XRN1: variants seen among roughly 807,000 people sequenced by gnomAD.
The protein encoded by XRN1 is 5'-3' exoribonuclease 1.
In XRN1, 67 loss-of-function variants were observed where a neutral mutation model predicts 222.3. The ratio of observed to expected loss-of-function variants is 0.30; its 90% CI spans 0.25 to 0.37. XRN1 has a LOEUF of 0.37. XRN1 is among the 10% of genes least tolerant of loss of function. XRN1 has a pLI of 1.00. For synonymous variants in XRN1, 643 were observed against 652.4 expected (o/e 0.99, Z 0.22); for missense variants, 1,707 against 2,000.2 (o/e 0.85, Z 2.80).
intron 20 of XRN1, among the ~76,000 whole-genome samples, chr3:142,394,671 A>G (rs2067863268): frequency 6.6e-6 from 1 of 152,222 alleles, no homozygotes; most frequent in South Asian, 2.1e-4. Flanking sequence ...CTCATATCCT[A>G]TTTAAGAATC....
At chr3:142,362,824 G>A (rs966016719) in intron 29 of XRN1, among the ~76,000 whole-genome samples, 1 of 145,712 alleles carries the variant, frequency 6.9e-6, no homozygotes, top group African/African-American at 2.5e-5. Flanking sequence ...AGGCAGGAGT[G>A]CAGTGGTGCA....
In XRN1 at chr3:142,318,741, T is replaced by C. The variant is rs749019357; in HGVS notation, c.4519-47A>G. ...ACAAGACAATGCAATACAAGCTTTC[T>C]ATAGGGACTAATAAAAATTTTAATA... On this transcript the variant is annotated intron_variant, in intron 38 of 40. Transcript: ENST00000392981. The C allele has an allele frequency of 9.3e-6, 15 of 1,610,456 alleles. No homozygotes were observed. In the Admixed American group the frequency reaches 2.3e-4, roughly 25 times the overall value.
intron 10 of XRN1, among the ~76,000 whole-genome samples, chr3:142,420,736 T>G (rs959909402): frequency 5.3e-5 from 8 of 152,112 alleles, no homozygotes; most frequent in Non-Finnish European, 7.4e-5. Context: ...AATAATTCAT[T>G]TTCTGGGCTT....
At chr3:142,402,382 C>T (rs2068176263) in intron 18 of XRN1, among the ~76,000 whole-genome samples, 1 of 151,996 alleles carries the variant, frequency 6.6e-6, no homozygotes, top group African/African-American at 2.4e-5. Context: ...GGGGTTTCAC[C>T]ATGTTGGCCA....
intron 29 of XRN1, among the ~76,000 whole-genome samples, chr3:142,364,615 C>T (rs1000380340): frequency 2.0e-5 from 3 of 151,918 alleles, no homozygotes; most frequent in Non-Finnish European, 4.4e-5. Context: ...CTGTAACTAA[C>T]GTAATATATA....
At chr3:142,353,022 C>T (rs1267894002) in intron 32 of XRN1, among the ~76,000 whole-genome samples, 2 of 152,174 alleles carry the variant, frequency 1.3e-5, no homozygotes, top group African/African-American at 2.4e-5. Context: ...TTTCCTCTTC[C>T]TTTCTTTGTC....
chr3:142,369,654 TAAA>T (rs761560470), intron 27 of XRN1, among the ~76,000 whole-genome samples: 1 of 120,386 alleles, frequency 8.3e-6, no homozygotes, highest in Admixed American at 8.4e-5. Context: ...TCTCCAAAAT[TAAA>T]AAAAAAAAAA....
At chr3:142,442,294 G>A (rs553784969) in intron 1 of XRN1, among the ~76,000 whole-genome samples, 15 of 152,244 alleles carry the variant, frequency 9.9e-5, no homozygotes, top group African/African-American at 3.6e-4. Flanking sequence ...TACACTGCCG[G>A]GGTCATCAGA....
chr3:142,313,050 A>T (rs1250281508), intron 39 of XRN1: 1 of 1,444,462 alleles, frequency 6.9e-7, no homozygotes, highest in Non-Finnish European at 9.4e-7. Context: ...TTGCAATTAT[A>T]TTTATAAAAA....
intron 37 of XRN1, among the ~76,000 whole-genome samples, chr3:142,325,146 T>C (rs1577221794): frequency 6.6e-6 from 1 of 152,342 alleles, no homozygotes; most frequent in East Asian, 1.9e-4. Context: ...CCATGCTGTA[T>C]GTCCTTCATA....
intron 37 of XRN1, among the ~76,000 whole-genome samples, chr3:142,322,479 G>A (rs1408216146): frequency 1.3e-5 from 2 of 152,252 alleles, no homozygotes; most frequent in South Asian, 2.1e-4. Flanking sequence ...CTGAGGTCAG[G>A]AGCGTGAGAC....
rs2068875011 is a variant in XRN1, at chr3:142,418,522, C to T, written c.1328G>A (p.Gly443Glu). Reference sequence around the variant, plus strand: ...AACGTACTCAGATACTACGTCAACCCCCATCTTCGTCATGTAATATGTTCT... The same window carrying T: ...AACGTACTCAGATACTACGTCAACCTCCATCTTCGTCATGTAATATGTTCT... Reference protein sequence around the residue: ...YKRTYYMTKMGVDVVSDDFLA... With the variant: ...YKRTYYMTKMEVDVVSDDFLA... Residue 443 changes from glycine (G) to glutamate (E), a missense_variant, in exon 12 of 41, where the codon GGG (glycine) becomes GAG (glutamate). Physicochemically the swap from Gly to Glu is moderately conservative, Grantham distance 98. Around this residue, in one of 2 missense-constraint regions of XRN1, gnomAD observed 1,234 missense variants for 1,518.2 expected, o/e 0.81. Transcript: ENST00000392981. 6.2e-7 allele frequency: 1 copy of T among 1,610,592 alleles called. No individual in the cohort carries two copies. The highest frequency in any genetic ancestry group is 8.5e-7 in the Non-Finnish European group (1 of 1,178,662).
chr3:142,363,453 A>C (rs2066715238), intron 29 of XRN1, among the ~76,000 whole-genome samples: 1 of 152,124 alleles, frequency 6.6e-6, no homozygotes, highest in Admixed American at 6.5e-5. Context: ...AAATCAATTG[A>C]CCATACAGGT....
chr3:142,353,416 T>C (rs1409573759), intron 32 of XRN1, among the ~76,000 whole-genome samples: 1 of 152,198 alleles, frequency 6.6e-6, no homozygotes, highest in African/African-American at 2.4e-5. Context: ...CTTCACGTTA[T>C]ACTGTAAGTT....
At chr3:142,359,445 T>C (rs2066557518) in intron 30 of XRN1, among the ~76,000 whole-genome samples, 1 of 152,188 alleles carries the variant, frequency 6.6e-6, no homozygotes. Context: ...CCTAATAGCA[T>C]TGTTTACATA....
intron 32 of XRN1, 122 bp from the exon 33 acceptor site, chr3:142,347,464 C>T: frequency 3.2e-6 from 2 of 622,928 alleles, no homozygotes; most frequent in Non-Finnish European, 5.0e-6. Flanking sequence ...AAACTTAATA[C>T]AGAAAAGTAT....
In XRN1 at chr3:142,432,251, T is replaced by TTATA. The variant is rs60775404; in HGVS notation, c.308+406_308+409dup. ...TAATTATATATATATAAAATTTATT[T>TTATA]TATATATATATATAAAAAATTAGCT... On this transcript the variant is annotated intron_variant, in intron 2 of 40. Coordinates refer to ENST00000392981, the MANE Select transcript of XRN1 (RefSeq NM_001282857.2). Among the ~76,000 whole-genome samples the TTATA allele has an allele frequency of 5.3e-3, 658 of 124,536 alleles. 7 individuals carry two copies. Among genetic ancestry groups the TTATA allele is most frequent in the African/African-American group, 0.019 (603 of 31,238 alleles). The allele number at this position is 124,536 out of a possible 152,430, so 81.7% of individuals were successfully genotyped here.
intron 14 of XRN1, 124 bp downstream of exon 14, chr3:142,414,011 A>G: frequency 2.0e-6 from 2 of 1,009,194 alleles, no homozygotes; most frequent in African/African-American, 1.6e-5. Context: ...AAAAAATACT[A>G]TGGTTTAAAA....
At position 142,310,789 on chromosome 3, in the gene XRN1, G is replaced by A. The variant is rs572854180; in HGVS notation, c.*722C>T. The A allele has an allele frequency of 3.3e-5, 5 of 152,502 alleles. No homozygotes were observed. The highest frequency in any genetic ancestry group is 7.4e-5 in the Non-Finnish European group (5 of 67,992). The allele number at this position is 152,502 out of a possible 1,614,324, so 9.4% of individuals were successfully genotyped here. On this transcript the variant is annotated 3_prime_UTR_variant, in exon 41 of 41. Transcript: ENST00000392981. ...AATTTTACTAGAAATTACTAATGCT[G>A]GTTCTTGAGTAACCTAAAAAATTGT...
Sources: gnomAD v4.1 joint callset for allele counts (sites outside exome capture counted in the v4.1 genomes callset) on GRCh38, gnomAD v4.1.1 for gene constraint, gnomAD v4.1.1 regional missense constraint, MANE v1.5 for transcripts, NCBI Gene and HGNC (gene_info 2026-07-23, HGNC 2026-07-21) for gene names.